NATD1: variants seen among roughly 807,000 people sequenced by gnomAD.
NATD1 encodes the protein protein NATD1.
In NATD1, 9 loss-of-function variants were observed where a neutral mutation model predicts 12.0. The ratio of observed to expected loss-of-function variants is 0.75; its 90% confidence interval spans 0.45 to 1.30. The LOEUF is 1.30. Among genes scored for constraint, NATD1 ranks in the 50% most tolerant of loss-of-function variants. NATD1 has a pLI of 0.00. For synonymous variants in NATD1, 71 were observed against 65.9 expected (o/e 1.08, Z -0.37); for missense variants, 148 against 148.5 (o/e 1.00, Z 0.02).
At position 21,253,243 on chromosome 17, in the gene NATD1, C is replaced by A. The variant is rs1242230092; in HGVS notation, c.22G>T (p.Val8Leu). 1.0e-6 allele frequency: 1 copy of A among 997,794 alleles called. No homozygotes were observed. The highest frequency in any genetic ancestry group is 1.2e-6 in the Non-Finnish European group (1 of 839,558). The allele number at this position is 997,794 out of a possible 1,614,324, so 61.8% of individuals were successfully genotyped here. A position where few individuals can be genotyped will look rare whatever the true frequency, so the allele number is the denominator to read the frequency against. Reference sequence around the variant, plus strand: ...CCCTGCTCCAGCGCGCCCAGCGGCACGGCGGCAGCCGAGTGCGCCATCTGC... The same window carrying A: ...CCCTGCTCCAGCGCGCCCAGCGGCAAGGCGGCAGCCGAGTGCGCCATCTGC... MAHSAAA[V>L]PLGALEQGCP... The change falls in exon 1 of 3, where the codon GTG becomes TTG. Residue 8 changes from valine (V) to leucine (L), a missense_variant. Val to Leu is a conservative substitution (Grantham distance 32). Transcript: ENST00000611551.
In NATD1 at chr17:21,242,229, C is replaced by A. The variant is rs1185048686; in HGVS notation, c.*1084G>T. On this transcript the variant is annotated 3_prime_UTR_variant, in exon 3 of 3. Coordinates refer to ENST00000611551, the MANE Select transcript of NATD1 (RefSeq NM_152914.3). ...GCATGCCCTGGAAAGGCTGGTCCCACCAAAGCATGCTAGTGTGTCTCCCAG... is the reference window on the plus strand; with the variant it reads ...GCATGCCCTGGAAAGGCTGGTCCCAACAAAGCATGCTAGTGTGTCTCCCAG... 1 of 152,336 alleles carries A rather than the reference C, an allele frequency of 6.6e-6. No homozygotes were observed. Among genetic ancestry groups the A allele is most frequent in the African/African-American group, 2.4e-5 (1 of 41,452 alleles). The allele number at this position is 152,336 out of a possible 1,614,324, so 9.4% of individuals were successfully genotyped here. A position where few individuals can be genotyped will look rare whatever the true frequency, so the allele number is the denominator to read the frequency against.
rs1975267516 is a variant in NATD1 at position 21,241,104 on chromosome 17, A to ATCAAGAG, written c.*2202_*2208dup. 6.6e-6 allele frequency: 1 copy of ATCAAGAG among 152,530 alleles called. No individual in the cohort carries two copies. The highest frequency in any genetic ancestry group is 6.5e-5 in the Admixed American group (1 of 15,286). The allele number at this position is 152,530 out of a possible 1,614,324, so 9.4% of individuals were successfully genotyped here. ...CAAGTATTTGTTGTGGGCTGGCCAG[A>ATCAAGAG]TCAAGAGTCACCTGCTAGAACACAG... On this transcript the variant is annotated 3_prime_UTR_variant, in exon 3 of 3. Coordinates refer to ENST00000611551, the MANE Select transcript of NATD1 (RefSeq NM_152914.3).
In NATD1 at chr17:21,244,720, A is replaced by G. The variant is rs1975310715; in HGVS notation, c.107-496T>C. 6.6e-6 allele frequency among the ~76,000 whole-genome samples: 1 copy of G among 152,218 alleles called. No homozygotes were observed. The highest frequency in any genetic ancestry group is 1.5e-5 in the Non-Finnish European group (1 of 68,048). ...TGGACCCTGAGAGAGACGCAGCAGG[A>G]AAGATCAGAGGCCTGTGGTAGAGTT... On this transcript the variant is annotated intron_variant, in intron 1 of 2. Transcript: ENST00000611551. The surrounding 1 kb of genome is among the most constrained non-coding windows in gnomAD (Gnocchi z 5.2).
intron 1 of NATD1, among the ~76,000 whole-genome samples, chr17:21,247,602 C>T (rs1020822393): frequency 6.6e-6 from 1 of 152,170 alleles, no homozygotes; most frequent in African/African-American, 2.4e-5. Context: ...AGAGAGGTGT[C>T]GGGACTGGGG....
intron 1 of NATD1, among the ~76,000 whole-genome samples, chr17:21,246,116 A>G (rs1238347966): frequency 6.6e-6 from 1 of 152,232 alleles, no homozygotes; most frequent in African/African-American, 2.4e-5. Flanking sequence ...GTGTCCCAGT[A>G]GGGTTTGGGC....
intron 1 of NATD1, among the ~76,000 whole-genome samples, chr17:21,249,324 C>T (rs1216314338): frequency 6.6e-6 from 1 of 152,202 alleles, no homozygotes; most frequent in Non-Finnish European, 1.5e-5. Flanking sequence ...GCTTTTCTGG[C>T]ACCTCTGTAA....
At chr17:21,252,450 T>A (rs543146473) in intron 1 of NATD1, among the ~76,000 whole-genome samples, 2 of 152,208 alleles carry the variant, frequency 1.3e-5, no homozygotes, top group African/African-American at 4.8e-5. Flanking sequence ...CAGTCTTTCA[T>A]CCTTACAACT....
chr17:21,243,841 C>T (rs541999248), intron 2 of NATD1, among the ~76,000 whole-genome samples: 2 of 152,258 alleles, frequency 1.3e-5, no homozygotes, highest in South Asian at 4.1e-4. Flanking sequence ...GTTTGGGATG[C>T]CCTGAGGATG....
intron 1 of NATD1, among the ~76,000 whole-genome samples, chr17:21,248,032 G>A (rs1283055468): frequency 6.6e-6 from 1 of 152,112 alleles, no homozygotes; most frequent in Non-Finnish European, 1.5e-5. Flanking sequence ...GGGAACAGAG[G>A]GCATCTGGGG....
rs1975270248 is a variant in NATD1 at position 21,241,333 on chromosome 17, G to A, written c.*1980C>T. On this transcript the variant is annotated 3_prime_UTR_variant, in exon 3 of 3. Coordinates refer to ENST00000611551, the MANE Select transcript of NATD1 (RefSeq NM_152914.3). ...CTCCTGAGTGGTCATGATTGACTAT[G>A]TGCTTGAACTTGGGGAGGGACGTGT... 1 of 152,462 alleles carries A rather than the reference G, an allele frequency of 6.6e-6. No individual in the cohort carries two copies. Among genetic ancestry groups the A allele is most frequent in the Non-Finnish European group, 1.5e-5 (1 of 68,232 alleles). 9.4% of individuals were successfully genotyped at this position (152,462 alleles called of 1,614,324 possible).
intron 1 of NATD1, among the ~76,000 whole-genome samples, chr17:21,245,303 T>G (rs555469232): frequency 6.6e-5 from 10 of 152,306 alleles, no homozygotes; most frequent in Admixed American, 2.0e-4. Context: ...CTCCTAAGCC[T>G]TCTGAGCTGG....
At position 21,253,309 on chromosome 17, in the gene NATD1, G is replaced by T; in HGVS notation, c.-45C>A. ...GCGGCGCCGGCGGGGGCCGGGGCGC[G>T]CGGGGAAAGGTCAGGCGCGCGGCGG... On this transcript the variant is annotated 5_prime_UTR_variant, in exon 1 of 3. Coordinates refer to ENST00000611551, the MANE Select transcript of NATD1 (RefSeq NM_152914.3). 1 of 864,814 alleles carries T rather than the reference G, an allele frequency of 1.2e-6. No homozygotes were observed. Among genetic ancestry groups the T allele is most frequent in the Non-Finnish European group, 1.4e-6 (1 of 720,792 alleles). The allele number at this position is 864,814 out of a possible 1,614,324, so 53.6% of individuals were successfully genotyped here. A position where few individuals can be genotyped will look rare whatever the true frequency, so the allele number is the denominator to read the frequency against.
At position 21,243,082 on chromosome 17, in the gene NATD1, AGAGT is replaced by A. The variant is rs1975291575; in HGVS notation, c.*227_*230del. The A allele has an allele frequency of 2.0e-6, 1 of 491,942 alleles. No homozygotes were observed. The allele number at this position is 491,942 out of a possible 1,614,324, so 30.5% of individuals were successfully genotyped here. The stretch of plus-strand genomic sequence containing the variant: ...CTCCCACGAAGCCGCTGGTCTCTGC[AGAGT>A]GAGAGGTGCCGGGACTACCTGGCCT... On this transcript the variant is annotated 3_prime_UTR_variant, in exon 3 of 3. Transcript: ENST00000611551.
chr17:21,245,238 T>G (rs1975315334), intron 1 of NATD1, among the ~76,000 whole-genome samples: 1 of 148,908 alleles, frequency 6.7e-6, no homozygotes, highest in African/African-American at 2.5e-5. Context: ...GTGGGGTGGG[T>G]GAGGGGAAGG....
Position 21,253,371 on chromosome 17 carries a change from A to T in NATD1, c.-107T>A. On this transcript the variant is annotated 5_prime_UTR_variant, in exon 1 of 3. Transcript: ENST00000611551. Reference sequence around the variant, plus strand: ...GGGCGCAGGCGGCAGGCGGTGGGGTAGTTACGGCCTGGGAGACCGCAGGCG... The same window carrying T: ...GGGCGCAGGCGGCAGGCGGTGGGGTTGTTACGGCCTGGGAGACCGCAGGCG... The T allele has an allele frequency of 3.5e-6, 1 of 289,736 alleles. No homozygotes were observed. The highest frequency in any genetic ancestry group is 4.9e-6 in the Non-Finnish European group (1 of 205,178). The allele number at this position is 289,736 out of a possible 1,614,324, so 17.9% of individuals were successfully genotyped here.
intron 1 of NATD1, among the ~76,000 whole-genome samples, chr17:21,252,735 C>A (rs770178363): frequency 6.6e-6 from 1 of 152,122 alleles, no homozygotes; most frequent in African/African-American, 2.4e-5. Flanking sequence ...GACCAACTTT[C>A]CAGGATCTCA....
At position 21,253,278 on chromosome 17, in the gene NATD1, T is replaced by TGCGGC. The variant is rs960858525; in HGVS notation, c.-19_-15dup. 3.1e-5 allele frequency: 30 copies of TGCGGC among 976,924 alleles called. No homozygotes were observed. Among genetic ancestry groups the TGCGGC allele is most frequent in the East Asian group, 2.3e-4 (2 of 8,882 alleles). 60.5% of individuals were successfully genotyped at this position (976,924 alleles called of 1,614,324 possible). On this transcript the variant is annotated 5_prime_UTR_variant, in exon 1 of 3. Coordinates refer to ENST00000611551, the MANE Select transcript of NATD1 (RefSeq NM_152914.3). ...CGAGTGCGCCATCTGCGCGCGGGGC[T>TGCGGC]GCGGCGCGGCGCCGGCGGGGGCCGG...
Position 21,242,776 on chromosome 17 carries a change from C to G in NATD1, c.*537G>C, listed in dbSNP as rs114030798. 0.014 allele frequency: 2,233 copies of G among 154,060 alleles called. 60 individuals are homozygous for G. The highest frequency in any genetic ancestry group is 0.051 in the African/African-American group (2,100 of 41,582). The allele number at this position is 154,060 out of a possible 1,614,324, so 9.5% of individuals were successfully genotyped here. On this transcript the variant is annotated 3_prime_UTR_variant, in exon 3 of 3. Transcript: ENST00000611551. ...CTCTGCTGGTCTCTGTCAGGGAGAG[C>G]TGACCCTTTCCAGGGCCCTGCCTGC...
intron 1 of NATD1, among the ~76,000 whole-genome samples, chr17:21,249,792 G>A (rs1975359377): frequency 6.6e-6 from 1 of 152,250 alleles, no homozygotes; most frequent in African/African-American, 2.4e-5. Context: ...ACCGTCCTCA[G>A]ATGGAGGCCG....
Sources: allele counts gnomAD v4.1 joint callset (sites outside exome capture counted in the v4.1 genomes callset), GRCh38; gene constraint gnomAD v4.1.1; non-coding constraint Gnocchi (gnomAD v3.1); transcripts MANE v1.5; gene names NCBI Gene and HGNC (gene_info 2026-07-23, HGNC 2026-07-21).